ZCCHC14: variants seen among roughly 807,000 people sequenced by gnomAD.
The protein encoded by ZCCHC14 is zinc finger CCHC domain-containing protein 14.
Under a neutral mutation model 85.0 loss-of-function variants are expected in ZCCHC14, and 16 were observed. The observed-to-expected ratio is 0.19, with a 90% CI of 0.13 to 0.29. The LOEUF is 0.29. ZCCHC14 is among the 10% of genes least tolerant of loss of function. The pLI is 1.00. For missense variants in ZCCHC14, 1,303 were observed against 1,443.5 expected, an observed-to-expected ratio of 0.90 and a Z score of 1.58; for synonymous variants, 775 against 630.7, an observed-to-expected ratio of 1.23 and a Z score of -3.43.
intron 9 of ZCCHC14, 22 bp from the exon 10 acceptor site, chr16:87,414,563 G>A (rs763012379): frequency 1.2e-6 from 2 of 1,601,382 alleles, no homozygotes; most frequent in Non-Finnish European, 1.7e-6. Flanking sequence ...TCAAGCACAG[G>A]AACAAGTGAG....
At chr16:87,447,903 G>T (rs916473763) in intron 2 of ZCCHC14, among the ~76,000 whole-genome samples, 6 of 152,284 alleles carry the variant, frequency 3.9e-5, no homozygotes, top group Admixed American at 3.9e-4. Context: ...GAATAGAAAT[G>T]ATACTCTCCT....
intron 4 of ZCCHC14, among the ~76,000 whole-genome samples, chr16:87,423,203 C>T (rs571780413): frequency 1.2e-4 from 19 of 152,264 alleles, no homozygotes; most frequent in African/African-American, 3.4e-4. Flanking sequence ...CACATGCACA[C>T]GGAGGCAAAG....
At chr16:87,432,855 C>T (rs1909730094) in intron 3 of ZCCHC14, among the ~76,000 whole-genome samples, 1 of 152,224 alleles carries the variant, frequency 6.6e-6, no homozygotes, top group African/African-American at 2.4e-5. Context: ...TCCAGTTCTG[C>T]TATTTAGCCC....
intron 2 of ZCCHC14, among the ~76,000 whole-genome samples, chr16:87,453,833 G>T (rs918831897): frequency 3.3e-4 from 50 of 152,196 alleles, no homozygotes; most frequent in African/African-American, 1.1e-3. Flanking sequence ...ATGGACACCA[G>T]CCCTAAGTGA....
rs1217784140 is a variant in ZCCHC14 at position 87,420,437 on chromosome 16, G to A, written c.950+170C>T. On this transcript the variant is annotated intron_variant, in intron 5 of 12. Coordinates refer to ENST00000671377, the MANE Select transcript of ZCCHC14 (RefSeq NM_015144.3). The surrounding 1 kb of genome is among the most constrained non-coding windows in gnomAD (Gnocchi z 5.0). ...CTCAGAACCACTCTCAGCTTACTGA[G>A]GGCTCCCGAATCCTCCAGAACTAAT... Among the ~76,000 whole-genome samples the A allele has an allele frequency of 6.6e-6, 1 of 152,282 alleles. No individual in the cohort carries two copies. Among genetic ancestry groups the A allele is most frequent in the South Asian group, 2.1e-4 (1 of 4,828 alleles).
At chr16:87,445,585 C>G (rs550079840) in intron 2 of ZCCHC14, among the ~76,000 whole-genome samples, 1 of 152,308 alleles carries the variant, frequency 6.6e-6, no homozygotes, top group East Asian at 1.9e-4. Context: ...TAGGTTTTAA[C>G]AGGCCACCAT....
At chr16:87,458,185 T>TGTGCAGGGC (rs1017643352) in intron 2 of ZCCHC14, among the ~76,000 whole-genome samples, 1 of 151,650 alleles carries the variant, frequency 6.6e-6, no homozygotes, top group Non-Finnish European at 1.5e-5. Context: ...ATTCACAGGG[T>TGTGCAGGGC]GTGCAGGGCA....
chr16:87,419,907 A>G, intron 5 of ZCCHC14, 30 bp from the exon 6 acceptor site: 2 of 1,554,454 alleles, frequency 1.3e-6, no homozygotes, highest in Middle Eastern at 1.7e-4. Flanking sequence ...TCTTATCAAC[A>G]TTAAAATGGC....
chr16:87,416,429 T>C (rs1597400324), intron 8 of ZCCHC14, among the ~76,000 whole-genome samples: 1 of 152,166 alleles, frequency 6.6e-6, no homozygotes, highest in South Asian at 2.1e-4. Context: ...AAACTAATTA[T>C]GAACAAGGTT....
At chr16:87,417,958 G>C in intron 7 of ZCCHC14, 1 of 569,590 alleles carries the variant, frequency 1.8e-6, no homozygotes, top group South Asian at 2.6e-5. Context: ...ATGCATGTCT[G>C]TGCACACGTG....
At chr16:87,411,423 A>G in intron 12 of ZCCHC14, 93 bp downstream of exon 12, 1 of 1,543,970 alleles carries the variant, frequency 6.5e-7, no homozygotes, top group Non-Finnish European at 8.7e-7. Flanking sequence ...TATTTGCTTT[A>G]CAAAGAAAGA....
At chr16:87,464,407 C>T (rs976752487) in intron 1 of ZCCHC14, among the ~76,000 whole-genome samples, 1 of 152,206 alleles carries the variant, frequency 6.6e-6, no homozygotes, top group Non-Finnish European at 1.5e-5. Context: ...AACCACGACC[C>T]CAAGTCCAGG....
At chr16:87,455,595 A>G (rs1910917959) in intron 2 of ZCCHC14, among the ~76,000 whole-genome samples, 1 of 152,216 alleles carries the variant, frequency 6.6e-6, no homozygotes, top group African/African-American at 2.4e-5. Context: ...AAATTGAGAA[A>G]ACCATCACTC....
rs369238935 is a variant in ZCCHC14 at position 87,482,583 on chromosome 16, CGA to C, written c.570+9084_570+9085del. On this transcript the variant is annotated intron_variant, in intron 1 of 12. Coordinates refer to ENST00000671377, the MANE Select transcript of ZCCHC14 (RefSeq NM_015144.3). ...TGTGTAGGAAACCCACAAAAACGAA[CGA>C]GAGGTAAGAAACAAAACCAAGAGTA... 4.2e-3 allele frequency among the ~76,000 whole-genome samples: 636 copies of C among 152,228 alleles called. 3 individuals are homozygous for C. The highest frequency in any genetic ancestry group is 0.015 in the African/African-American group (603 of 41,522).
chr16:87,471,540 T>C (rs886331867), intron 1 of ZCCHC14: 1 of 152,260 alleles, frequency 6.6e-6, no homozygotes, highest in Non-Finnish European at 1.5e-5. Flanking sequence ...CTTTCACAAA[T>C]AGCCACAGGG....
intron 1 of ZCCHC14, among the ~76,000 whole-genome samples, chr16:87,486,534 G>A (rs1418329155): frequency 2.0e-5 from 3 of 152,198 alleles, no homozygotes. Context: ...GATCAGCTGA[G>A]GACGCTTTTC....
intron 4 of ZCCHC14, among the ~76,000 whole-genome samples, chr16:87,421,222 C>G (rs186796417): frequency 1.3e-5 from 2 of 152,156 alleles, no homozygotes; most frequent in Non-Finnish European, 2.9e-5. Context: ...ACCTGGGGAC[C>G]GGGCACCAGG....
chr16:87,464,596 C>G (rs1246183825), intron 1 of ZCCHC14, among the ~76,000 whole-genome samples: 9 of 152,200 alleles, frequency 5.9e-5, no homozygotes, highest in Admixed American at 5.2e-4. Context: ...CACACTGCAT[C>G]TGACATCAAG....
intron 1 of ZCCHC14, among the ~76,000 whole-genome samples, chr16:87,477,894 C>T (rs1192966771): frequency 1.3e-5 from 2 of 150,598 alleles, no homozygotes; most frequent in African/African-American, 2.4e-5. Context: ...ACGCCCCCAC[C>T]GCATCCCCCT....
Sources: allele counts gnomAD v4.1 joint callset (sites outside exome capture counted in the v4.1 genomes callset), GRCh38; gene constraint gnomAD v4.1.1; non-coding constraint Gnocchi (gnomAD v3.1); transcripts MANE v1.5; gene names NCBI Gene and HGNC (gene_info 2026-07-23, HGNC 2026-07-21).